CLASP2: variants seen among roughly 807,000 people sequenced by gnomAD.
The protein encoded by CLASP2 is cytoplasmic linker associated protein 2, also known as CLIP-associating protein 2.
CLASP2 carries 47 observed loss-of-function variants against 194.4 expected under a neutral mutation model. That is an observed-to-expected ratio of 0.24 (90% CI 0.19 to 0.31). The LOEUF (loss-of-function observed/expected upper bound fraction) is 0.31, where lower values mean the gene tolerates loss of function less well. Ranked by LOEUF, CLASP2 falls within the 10% of genes least tolerant of loss-of-function variation. CLASP2 has a pLI of 1.00. For missense variants in CLASP2, 1,445 were observed against 1,823.6 expected (o/e 0.79, Z 3.78); for synonymous variants, 619 against 633.5 (o/e 0.98, Z 0.34).
chr3:33,545,826 C>A (rs1398661552), intron 30 of CLASP2, among the ~76,000 whole-genome samples: 3 of 151,592 alleles, frequency 2.0e-5, no homozygotes, highest in Non-Finnish European at 4.4e-5. Context: ...CAGAGGATCT[C>A]TTGAACCTGG....
intron 23 of CLASP2, among the ~76,000 whole-genome samples, chr3:33,579,965 G>A (rs2065665171): frequency 1.3e-5 from 2 of 152,110 alleles, no homozygotes; most frequent in Admixed American, 1.3e-4. Flanking sequence ...ACGTATATGT[G>A]CATGCGCATG....
intron 7 of CLASP2, among the ~76,000 whole-genome samples, chr3:33,646,049 G>A (rs1308146063): frequency 2.0e-5 from 3 of 151,784 alleles, no homozygotes; most frequent in African/African-American, 7.3e-5. Context: ...CAAACAACAT[G>A]GGCGAGGCAG....
intron 36 of CLASP2, among the ~76,000 whole-genome samples, chr3:33,513,995 T>C (rs2050609674): frequency 6.6e-6 from 1 of 152,060 alleles, no homozygotes; most frequent in Non-Finnish European, 1.5e-5. Context: ...TTTTTATTTA[T>C]TTTTATTTTT....
intron 32 of CLASP2, 58 bp from the exon 33 acceptor site, chr3:33,539,000 C>A (rs1469399664): frequency 2.5e-6 from 3 of 1,208,462 alleles, no homozygotes; most frequent in Non-Finnish European, 3.4e-6. Context: ...ACAAACACAT[C>A]TGAGGAGATT....
chr3:33,604,360 C>T (rs112166722), intron 16 of CLASP2, among the ~76,000 whole-genome samples, 151 bp from the exon 17 acceptor site: 155 of 150,948 alleles, frequency 1.0e-3, no homozygotes, highest in African/African-American at 3.7e-3. Context: ...CTGTGTCACC[C>T]AGGCTACAGT....
chr3:33,619,514 G>A, intron 12 of CLASP2, 89 bp downstream of exon 12: 2 of 1,129,954 alleles, frequency 1.8e-6, no homozygotes, highest in Non-Finnish European at 2.4e-6. Flanking sequence ...AGAGAGGGGT[G>A]GGGTGGGGAA....
chr3:33,501,372 G>A (rs1270727861), intron 38 of CLASP2, among the ~76,000 whole-genome samples: 1 of 152,094 alleles, frequency 6.6e-6, no homozygotes, highest in Non-Finnish European at 1.5e-5. Flanking sequence ...ATTTGGTAAG[G>A]AGTCAGCTAA....
chr3:33,656,223 T>C (rs2084182539), intron 7 of CLASP2, among the ~76,000 whole-genome samples: 1 of 152,182 alleles, frequency 6.6e-6, no homozygotes, highest in South Asian at 2.1e-4. Flanking sequence ...ATGAAATCTT[T>C]CACATGGTCT....
chr3:33,623,260 C>A (rs567902714), intron 10 of CLASP2, among the ~76,000 whole-genome samples: 1 of 152,092 alleles, frequency 6.6e-6, no homozygotes, highest in African/African-American at 2.4e-5. Context: ...CAGTTCTTTC[C>A]GTTAGGAACA....
At chr3:33,614,808 T>C (rs759699163) in intron 12 of CLASP2, among the ~76,000 whole-genome samples, 1 of 152,070 alleles carries the variant, frequency 6.6e-6, no homozygotes, top group Non-Finnish European at 1.5e-5. Flanking sequence ...CTGACCAACA[T>C]AGTGAAACTT....
chr3:33,711,486 C>T (rs547977885), intron 1 of CLASP2, among the ~76,000 whole-genome samples: 1 of 151,388 alleles, frequency 6.6e-6, no homozygotes, highest in Non-Finnish European at 1.5e-5. Context: ...TATCAAACTC[C>T]CAACCTCAGG....
At chr3:33,607,360 C>G (rs371075368) in intron 15 of CLASP2, 24 bp downstream of exon 15, 3 of 1,523,940 alleles carry the variant, frequency 2.0e-6, no homozygotes, top group Admixed American at 4.3e-5. Context: ...TAAACTGTCA[C>G]AAAACTATAC....
At chr3:33,589,203 G>A (rs2068093293) in intron 21 of CLASP2, among the ~76,000 whole-genome samples, 1 of 152,080 alleles carries the variant, frequency 6.6e-6, no homozygotes, top group South Asian at 2.1e-4. Flanking sequence ...AGGAGACAAA[G>A]TTTCTGACGG....
rs926808872 is a variant in CLASP2 at position 33,496,412 on chromosome 3, C to A, written c.*2219G>T. 1 of 152,172 alleles carries A rather than the reference C, an allele frequency of 6.6e-6. No homozygotes were observed. The highest frequency in any genetic ancestry group is 2.4e-5 in the African/African-American group (1 of 41,518). The allele number at this position is 152,172 out of a possible 1,614,324, so 9.4% of individuals were successfully genotyped here. ...CATCTCAGTATGTTTCTGGAATGAACAAATTAAGGGTGTATTGTATATAGT... is the reference window on the plus strand; with the variant it reads ...CATCTCAGTATGTTTCTGGAATGAAAAAATTAAGGGTGTATTGTATATAGT... On this transcript the variant is annotated 3_prime_UTR_variant, in exon 39 of 39. Coordinates refer to ENST00000682230, the MANE Select transcript of CLASP2 (RefSeq NM_001365631.1).
chr3:33,535,142 G>T, intron 34 of CLASP2, 91 bp downstream of exon 34: 1 of 827,984 alleles, frequency 1.2e-6, no homozygotes, highest in Non-Finnish European at 1.9e-6. Flanking sequence ...TACTTTTTGG[G>T]AGTTATAATA....
At chr3:33,527,016 A>T (rs1467539232) in intron 34 of CLASP2, among the ~76,000 whole-genome samples, 1 of 152,206 alleles carries the variant, frequency 6.6e-6, no homozygotes, top group African/African-American at 2.4e-5. Context: ...AAATGCCAAC[A>T]TCAAAAAGTT....
chr3:33,659,140 T>A, intron 7 of CLASP2: 6 of 1,410,266 alleles, frequency 4.3e-6, no homozygotes, highest in Non-Finnish European at 5.5e-6. Flanking sequence ...TGCACCGCAA[T>A]AGCCAACAGC....
At chr3:33,594,273 A>G (rs1344935983) in intron 20 of CLASP2, among the ~76,000 whole-genome samples, 1 of 152,218 alleles carries the variant, frequency 6.6e-6, no homozygotes, top group Admixed American at 6.5e-5. Context: ...AAAAATAGTC[A>G]TCCACGTAAA....
intron 27 of CLASP2, among the ~76,000 whole-genome samples, chr3:33,564,614 A>ATATC (rs1491161671): frequency 6.6e-6 from 1 of 152,168 alleles, no homozygotes; most frequent in Non-Finnish European, 1.5e-5. Context: ...CTTTTGAGAC[A>ATATC]GAGTCTCACT....
Sources: allele counts gnomAD v4.1 joint callset (sites outside exome capture counted in the v4.1 genomes callset), GRCh38; gene constraint gnomAD v4.1.1; transcripts MANE v1.5; gene names NCBI Gene and HGNC (gene_info 2026-07-23, HGNC 2026-07-21).